The following C1orf159 variants were observed in gnomAD, a reference collection of about 807,000 sequenced individuals.
C1orf159 encodes the protein uncharacterized protein C1orf159.
In C1orf159, 19 loss-of-function variants were observed where a neutral mutation model predicts 25.6. The observed-to-expected ratio is 0.74, with a 90% confidence interval of 0.52 to 1.09. The LOEUF (loss-of-function observed/expected upper bound fraction) is 1.09, where lower values mean the gene tolerates loss of function less well. C1orf159 is among the 50% of genes least tolerant of loss of function. The probability of loss-of-function intolerance (pLI) is 0.00; values close to 1 mark genes in which losing one functional copy is unlikely to be tolerated. For missense variants in C1orf159, 274 were observed against 290.6 expected, an observed-to-expected ratio of 0.94 and a Z score of 0.42; for synonymous variants, 139 against 124.7, an observed-to-expected ratio of 1.12 and a Z score of -0.77.
intron 1 of C1orf159, among the ~76,000 whole-genome samples, chr1:1,095,463 A>C (rs1266548396): frequency 6.6e-6 from 1 of 152,202 alleles, no homozygotes; most frequent in Non-Finnish European, 1.5e-5. Context: ...TTCTGATTTC[A>C]TGTTCCGATA....
chr1:1,102,071 C>CAAAAA (rs1237729417), intron 1 of C1orf159, among the ~76,000 whole-genome samples: 60 of 39,686 alleles, frequency 1.5e-3, no homozygotes, highest in Non-Finnish European at 2.2e-3. Flanking sequence ...AACTCTGTCT[C>CAAAAA]AAAAAAAAAA....
intron 3 of C1orf159, 188 bp downstream of exon 3, chr1:1,091,284 G>A (rs1645929010): frequency 7.2e-6 from 5 of 695,832 alleles, no homozygotes; most frequent in Non-Finnish European, 1.2e-5. Flanking sequence ...TCACCCAGCA[G>A]GCAGCGGAGG....
chr1:1,088,634 T>C (rs1056431593), intron 4 of C1orf159, among the ~76,000 whole-genome samples: 5 of 151,870 alleles, frequency 3.3e-5, no homozygotes, highest in Admixed American at 2.6e-4. Flanking sequence ...TGACTTTTAC[T>C]CCTTGACTTT....
Position 1,090,387 on chromosome 1 carries a change from G to A in C1orf159, c.114C>T (p.Asn38=), listed in dbSNP as rs1436174909. The A allele has an allele frequency of 7.7e-6, 12 of 1,550,124 alleles. No homozygotes were observed. The highest frequency in any genetic ancestry group is 4.8e-5 in the South Asian group (4 of 84,054). Residue 38 remains asparagine, a synonymous_variant, in exon 4 of 10, where the codon AAC becomes AAT. Coordinates refer to ENST00000421241, the MANE Select transcript of C1orf159 (RefSeq NM_017891.5). ...ACAGACTTGCGCCTGGGCAGCTGGCGTTGACGCCCACCACATCCACACAGC... is the reference window on the plus strand; with the variant it reads ...ACAGACTTGCGCCTGGGCAGCTGGCATTGACGCCCACCACATCCACACAGC... ...PECCVDVVGV[N]ASCPGASLCG...
intron 1 of C1orf159, among the ~76,000 whole-genome samples, chr1:1,102,147 GT>G (rs1646111118): frequency 6.9e-6 from 1 of 144,474 alleles, no homozygotes; most frequent in Non-Finnish European, 1.5e-5. Flanking sequence ...CATTTATCCT[GT>G]TTGGGATTCT....
intron 1 of C1orf159, chr1:1,106,040 A>G (rs1467873484): frequency 6.6e-6 from 1 of 152,232 alleles, no homozygotes; most frequent in Non-Finnish European, 1.5e-5. Context: ...TTTAATCTCC[A>G]GAGGAACCAC....
chr1:1,099,457 G>C (rs12753878), intron 1 of C1orf159, among the ~76,000 whole-genome samples: 2 of 111,584 alleles, frequency 1.8e-5, no homozygotes, highest in African/African-American at 7.9e-5. Flanking sequence ...GTTTTTGGTC[G>C]ATTGTTCTAA....
chr1:1,113,508 T>A (rs577395011), intron 1 of C1orf159, among the ~76,000 whole-genome samples: 9 of 152,154 alleles, frequency 5.9e-5, no homozygotes, highest in Non-Finnish European at 1.0e-4. Context: ...TCCTCCTGCC[T>A]CAGTCCCTCG....
chr1:1,083,149 A>G, intron 9 of C1orf159, 162 bp from the exon 10 acceptor site: 1 of 570,952 alleles, frequency 1.8e-6, no homozygotes, highest in African/African-American at 1.9e-5. Flanking sequence ...CCTGCCCCTA[A>G]GGCGCCCTCA....
intron 1 of C1orf159, among the ~76,000 whole-genome samples, chr1:1,111,937 G>A (rs981275972): frequency 3.3e-5 from 5 of 152,334 alleles, no homozygotes; most frequent in Admixed American, 2.0e-4. Flanking sequence ...AACAAATACC[G>A]CAAACCCCTT....
At chr1:1,084,140 G>C (rs568121168) in intron 9 of C1orf159, 2 of 1,551,668 alleles carry the variant, frequency 1.3e-6, no homozygotes, top group South Asian at 2.5e-5. Flanking sequence ...GGGCGGGCAG[G>C]GGGCGCCGGC....
chr1:1,111,843 C>G (rs1353281156), intron 1 of C1orf159, among the ~76,000 whole-genome samples: 3 of 152,210 alleles, frequency 2.0e-5, no homozygotes, highest in Non-Finnish European at 4.4e-5. Context: ...GCAAAGGAAG[C>G]CAACGTGAAA....
intron 2 of C1orf159, 99 bp from the exon 3 acceptor site, chr1:1,091,664 G>T (rs578221188): frequency 7.0e-6 from 6 of 859,938 alleles, no homozygotes; most frequent in Non-Finnish European, 1.1e-5. Flanking sequence ...TGTTGGGGGG[G>T]TGCGGGCCAA....
intron 1 of C1orf159, chr1:1,106,630 T>C (rs1646174246): frequency 2.0e-5 from 3 of 152,260 alleles, no homozygotes; most frequent in Admixed American, 2.0e-4. Context: ...GGTGACAACA[T>C]GCTAGCAGCC....
intron 7 of C1orf159, among the ~76,000 whole-genome samples, chr1:1,085,024 G>A (rs557448109): frequency 6.6e-6 from 1 of 152,286 alleles, no homozygotes; most frequent in Non-Finnish European, 1.5e-5. Context: ...CCTGAGCCCT[G>A]CTCTGCTCCA....
chr1:1,106,953 C>T (rs973051309), intron 1 of C1orf159: 1 of 152,380 alleles, frequency 6.6e-6, no homozygotes, highest in Non-Finnish European at 1.5e-5. Flanking sequence ...CACTGCCAGC[C>T]CCCCTGCACC....
At chr1:1,104,409 C>A (rs1646142849) in intron 1 of C1orf159, among the ~76,000 whole-genome samples, 1 of 152,252 alleles carries the variant, frequency 6.6e-6, no homozygotes, top group Non-Finnish European at 1.5e-5. Context: ...CAAGTCAAAA[C>A]TTCCCTCCAA....
chr1:1,109,469 ATTTCT>A (rs1646229004), intron 1 of C1orf159, among the ~76,000 whole-genome samples: 3 of 150,628 alleles, frequency 2.0e-5, no homozygotes, highest in Admixed American at 2.0e-4. Flanking sequence ...CCTTTTTAAA[ATTTCT>A]TTCTTTCTTT....
At chr1:1,106,376 C>T (rs539056749) in intron 1 of C1orf159, among the ~76,000 whole-genome samples, 59 of 152,266 alleles carry the variant, frequency 3.9e-4, no homozygotes, top group African/African-American at 1.3e-3. Context: ...TGTTGGCAAA[C>T]GCATGTGGAG....
Sources: allele counts gnomAD v4.1 joint callset (sites outside exome capture counted in the v4.1 genomes callset), GRCh38; gene constraint gnomAD v4.1.1; transcripts MANE v1.5; gene names NCBI Gene and HGNC (gene_info 2026-07-23, HGNC 2026-07-21).